NUDT6: variants seen among roughly 807,000 people sequenced by gnomAD.
NUDT6 encodes nudix hydrolase 6.
NUDT6 carries 24 observed loss-of-function variants against 36.8 expected under a neutral mutation model. That is an observed-to-expected ratio of 0.65 (90% CI 0.47 to 0.92). The LOEUF (loss-of-function observed/expected upper bound fraction) is 0.92, where lower values mean the gene tolerates loss of function less well. Among genes scored for constraint, NUDT6 ranks in the 40% least tolerant of loss-of-function variants. NUDT6 has a pLI of 0.00. For synonymous variants in NUDT6, 163 were observed against 157.0 expected, an observed-to-expected ratio of 1.04 and a Z score of -0.29; for missense variants, 388 against 392.8, an observed-to-expected ratio of 0.99 and a Z score of 0.10.
chr4:122,911,488 A>G (rs2150807028), intron 3 of NUDT6, among the ~76,000 whole-genome samples: 1 of 152,284 alleles, frequency 6.6e-6, no homozygotes, highest in African/African-American at 2.4e-5. Flanking sequence ...GCTAGGTACA[A>G]TACTACTTTA....
chr4:122,903,043 T>A (rs1418462060), intron 3 of NUDT6, among the ~76,000 whole-genome samples: 1 of 152,186 alleles, frequency 6.6e-6, no homozygotes, highest in Non-Finnish European at 1.5e-5. Flanking sequence ...ATAAATTACA[T>A]ATCATTAATA....
intron 3 of NUDT6, among the ~76,000 whole-genome samples, chr4:122,909,930 G>T (rs756249099): frequency 6.6e-6 from 1 of 152,166 alleles, no homozygotes; most frequent in Non-Finnish European, 1.5e-5. Context: ...ATGGGATGAC[G>T]CCTATTTATT....
In NUDT6 at chr4:122,893,122, C is replaced by A. The variant is rs369473521; in HGVS notation, c.657G>T (p.Gly219=). 3 of 1,614,032 alleles carry A rather than the reference C, an allele frequency of 1.9e-6. No individual in the cohort carries two copies. Among genetic ancestry groups the A allele is most frequent in the Non-Finnish European group, 2.5e-6 (3 of 1,180,034 alleles). The part of the protein sequence containing the change: ...RQQHTNPGAF[G]KSDMYIICRL... ...GGCAGATGATATACATATCTGACTTCCCAAAAGCTCCAGGATTTGTGTGCT... is the reference window on the plus strand; with the variant it reads ...GGCAGATGATATACATATCTGACTTACCAAAAGCTCCAGGATTTGTGTGCT... The change falls in exon 5 of 5, where the codon GGG becomes GGT. Residue 219 remains glycine (G), a synonymous_variant. Coordinates refer to ENST00000304430, the MANE Select transcript of NUDT6 (RefSeq NM_007083.5).
chr4:122,917,329 G>A (rs1727865099), intron 2 of NUDT6, among the ~76,000 whole-genome samples, 172 bp downstream of exon 2: 2 of 152,158 alleles, frequency 1.3e-5, no homozygotes, highest in Non-Finnish European at 2.9e-5. Flanking sequence ...GCGGTTACAG[G>A]TGCCCACTGG....
chr4:122,898,651 C>T (rs1437339902), intron 3 of NUDT6, among the ~76,000 whole-genome samples: 1 of 152,148 alleles, frequency 6.6e-6, no homozygotes, highest in African/African-American at 2.4e-5. Context: ...TTTCCATAGA[C>T]TGTTGATTAT....
intron 4 of NUDT6, chr4:122,894,964 A>C (rs1187133069): frequency 6.6e-6 from 1 of 152,188 alleles, no homozygotes; most frequent in Non-Finnish European, 1.5e-5. Flanking sequence ...ATGTCGTGGA[A>C]GCACTGGATG....
At chr4:122,905,679 G>T (rs11733450) in intron 3 of NUDT6, among the ~76,000 whole-genome samples, 69,097 of 152,056 alleles carry the variant, frequency 0.45, 17,607 homozygotes, top group Non-Finnish European at 0.57. Flanking sequence ...TCTCATTCAG[G>T]TATTCTCTGA....
At chr4:122,904,695 C>T (rs889126429) in intron 3 of NUDT6, among the ~76,000 whole-genome samples, 2 of 152,174 alleles carry the variant, frequency 1.3e-5, no homozygotes, top group Non-Finnish European at 2.9e-5. Flanking sequence ...ACCTCGTGAT[C>T]TGCCTGCCTC....
At chr4:122,906,510 C>T (rs1042557930) in intron 3 of NUDT6, among the ~76,000 whole-genome samples, 1 of 152,094 alleles carries the variant, frequency 6.6e-6, no homozygotes, top group Admixed American at 6.5e-5. Context: ...CTATTGATGC[C>T]AGCATGCTGA....
chr4:122,905,287 A>C (rs1360728364), intron 3 of NUDT6, among the ~76,000 whole-genome samples: 1 of 152,164 alleles, frequency 6.6e-6, no homozygotes, highest in African/African-American at 2.4e-5. Context: ...AACATTCACT[A>C]TATGCTAAAT....
chr4:122,910,619 T>C (rs759410852), intron 3 of NUDT6, among the ~76,000 whole-genome samples: 6 of 152,218 alleles, frequency 3.9e-5, no homozygotes, highest in Non-Finnish European at 4.4e-5. Context: ...AAAACCTTCA[T>C]GGTTTACCCT....
chr4:122,921,830 G>A (rs1728023407), intron 1 of NUDT6: 1 of 152,544 alleles, frequency 6.6e-6, no homozygotes. Context: ...TCCACCACCC[G>A]TATTAGAATG....
At chr4:122,905,705 C>CT in intron 3 of NUDT6, among the ~76,000 whole-genome samples, 1 of 152,316 alleles carries the variant, frequency 6.6e-6, no homozygotes, top group South Asian at 2.1e-4. Flanking sequence ...CACTCAGTGC[C>CT]TAACACATCT....
intron 4 of NUDT6, chr4:122,893,496 CT>C (rs1359743984): frequency 1.3e-5 from 4 of 304,388 alleles, no homozygotes; most frequent in Middle Eastern, 8.9e-4. Context: ...GGGGTCAGCT[CT>C]TTTTAACTTC....
At position 122,922,585 on chromosome 4, in the gene NUDT6, T is replaced by A; in HGVS notation, c.-13A>T. ...GTGGCTGCCGCATCTCCACGCCGCTTAATTCGTCCGTTGCCCAAATGACCC... is the reference window on the plus strand; with the variant it reads ...GTGGCTGCCGCATCTCCACGCCGCTAAATTCGTCCGTTGCCCAAATGACCC... On this transcript the variant is annotated 5_prime_UTR_variant, in exon 1 of 5. Transcript: ENST00000304430. 2 of 1,586,390 alleles carry A rather than the reference T, an allele frequency of 1.3e-6. No individual in the cohort carries two copies. The highest frequency in any genetic ancestry group is 1.7e-6 in the Non-Finnish European group (2 of 1,171,340).
rs997835030 is a variant in NUDT6 at position 122,916,404 on chromosome 4, T to C, written c.442+1097A>G. On this transcript the variant is annotated intron_variant, in intron 2 of 4. Coordinates refer to ENST00000304430, the MANE Select transcript of NUDT6 (RefSeq NM_007083.5). ...ACTGTTTGGCACAATAATGTAAATA[T>C]TATTAAGAAGTAATTGTTCAAATCA... Among the ~76,000 whole-genome samples the C allele has an allele frequency of 7.9e-5, 12 of 152,338 alleles. No individual in the cohort carries two copies. In the Middle Eastern group the frequency reaches 0.017, roughly 217 times the overall value.
At chr4:122,922,602 A>G (rs755513109), upstream of NUDT6, 11 of 1,558,852 alleles carry the variant, frequency 7.1e-6, no homozygotes, top group Non-Finnish European at 9.6e-6. Context: ...TCCGTTGCCC[A>G]AATGACCCCT....
At chr4:122,911,448 G>A (rs1727731903) in intron 3 of NUDT6, among the ~76,000 whole-genome samples, 1 of 151,938 alleles carries the variant, frequency 6.6e-6, no homozygotes, top group Non-Finnish European at 1.5e-5. Context: ...ACATATATAT[G>A]TCCCAATTCA....
intron 2 of NUDT6, among the ~76,000 whole-genome samples, chr4:122,914,472 A>G (rs1276821216): frequency 1.3e-5 from 2 of 152,224 alleles, no homozygotes; most frequent in Non-Finnish European, 2.9e-5. Flanking sequence ...ATCAGAGACA[A>G]AACCAGCACC....
Sources: gnomAD v4.1 joint callset for allele counts (sites outside exome capture counted in the v4.1 genomes callset) on GRCh38, gnomAD v4.1.1 for gene constraint, MANE v1.5 for transcripts, NCBI Gene and HGNC (gene_info 2026-07-23, HGNC 2026-07-21) for gene names.